Variants in VEGFC observed in about 807,000 individuals in gnomAD.
VEGFC encodes FLT4 ligand DHM.
Under a neutral mutation model 46.1 loss-of-function variants are expected in VEGFC, and 12 were observed. The ratio of observed to expected loss-of-function variants is 0.26; its 90% confidence interval spans 0.17 to 0.42. VEGFC has a LOEUF of 0.42. VEGFC is among the 10% of genes least tolerant of loss of function. The pLI is 1.00. For missense variants in VEGFC, 488 were observed against 529.4 expected (o/e 0.92, Z 0.77); for synonymous variants, 232 against 195.5 (o/e 1.19, Z -1.56).
At chr4:176,716,260 C>T (rs1734696062) in intron 3 of VEGFC, among the ~76,000 whole-genome samples, 1 of 151,978 alleles carries the variant, frequency 6.6e-6, no homozygotes, top group African/African-American at 2.4e-5. Flanking sequence ...CAGTAATGAC[C>T]TTGCCTCTAT....
At position 176,792,522 on chromosome 4, in the gene VEGFC, GGCGGCGGGTGTCAGGTAAAA is replaced by G. The variant is rs1303685443; in HGVS notation, c.-231_-212del. 8 of 401,612 alleles carry G rather than the reference GGCGGCGGGTGTCAGGTAAAA, an allele frequency of 2.0e-5. No homozygotes were observed. The highest frequency in any genetic ancestry group is 2.6e-5 in the Non-Finnish European group (6 of 229,156). The allele number at this position is 401,612 out of a possible 1,614,324, so 24.9% of individuals were successfully genotyped here. A position where few individuals can be genotyped will look rare whatever the true frequency, so the allele number is the denominator to read the frequency against. ...GCCCTCCCAGCCAGTGCCGGGGAAA[GGCGGCGGGTGTCAGGTAAAA>G]GCCTCACAGGAAACCGGACATCCGA... On this transcript the variant is annotated 5_prime_UTR_variant, in exon 1 of 7. It removes the in-frame stop codon of an upstream open reading frame in the 5' UTR. Transcript: ENST00000618562. The surrounding 1 kb of genome is among the most constrained non-coding windows in gnomAD (Gnocchi z 6.3).
chr4:176,792,115 G>T lies in VEGFC; in HGVS notation c.147+50C>A. 7.1e-7 allele frequency: 1 copy of T among 1,417,244 alleles called. No individual in the cohort carries two copies. Among genetic ancestry groups the T allele is most frequent in the South Asian group, 1.7e-5 (1 of 59,716 alleles). The allele number at this position is 1,417,244 out of a possible 1,614,324, so 87.8% of individuals were successfully genotyped here. A position where few individuals can be genotyped will look rare whatever the true frequency, so the allele number is the denominator to read the frequency against. ...CGCGCAGGTTCTCGGGTCCGCCGCAGACCCTAACGCAAACTCTCGGGTTCT... is the reference window on the plus strand; with the variant it reads ...CGCGCAGGTTCTCGGGTCCGCCGCATACCCTAACGCAAACTCTCGGGTTCT... On this transcript the variant is annotated intron_variant, in intron 1 of 6. Transcript: ENST00000618562. This position sits in a 1 kb window ranked among gnomAD's most constrained non-coding sequence, Gnocchi z 6.3.
chr4:176,745,749 G>A (rs1199251545), intron 1 of VEGFC, among the ~76,000 whole-genome samples: 2 of 152,082 alleles, frequency 1.3e-5, no homozygotes, highest in African/African-American at 4.8e-5. Flanking sequence ...CAGCAACAGT[G>A]AGAATATGGA....
At chr4:176,716,501 C>T (rs529641611) in intron 3 of VEGFC, among the ~76,000 whole-genome samples, 139 of 142,928 alleles carry the variant, frequency 9.7e-4, no homozygotes, top group African/African-American at 3.5e-3. Flanking sequence ...TTCTTGAACC[C>T]GGGAGGCAGA....
Position 176,727,722 on chromosome 4 carries a change from G to C in VEGFC, c.552+56C>G, listed in dbSNP as rs1316791309. The C allele has an allele frequency of 5.2e-6, 8 of 1,532,270 alleles. No homozygotes were observed. In the East Asian group the frequency reaches 1.9e-4, roughly 36 times the overall value. 94.9% of individuals were successfully genotyped at this position (1,532,270 alleles called of 1,614,324 possible). On this transcript the variant is annotated intron_variant, in intron 3 of 6. Transcript: ENST00000618562. The stretch of plus-strand genomic sequence containing the variant: ...GAAGTTTAAACACATCATCCCCAAA[G>C]TTAAAGCTTCTGATTAAGGGGGCTC...
intron 4 of VEGFC, among the ~76,000 whole-genome samples, chr4:176,695,831 A>C (rs989045571): frequency 7.9e-5 from 12 of 152,204 alleles, no homozygotes; most frequent in Admixed American, 3.9e-4. Flanking sequence ...CAATATATGC[A>C]AATCAATAAA....
Position 176,754,690 on chromosome 4 carries a change from C to T in VEGFC, c.148-24944G>A, listed in dbSNP as rs1326408443. Among the ~76,000 whole-genome samples the T allele has an allele frequency of 2.6e-5, 4 of 152,010 alleles. No individual in the cohort carries two copies. In the East Asian group the frequency reaches 7.7e-4, roughly 29 times the overall value. ...CCTTAATTTAACCACACCTGCAAAA[C>T]CCCTTCTGCCATGTAGGTAACAAGT... On this transcript the variant is annotated intron_variant, in intron 1 of 6. Transcript: ENST00000618562.
chr4:176,735,285 CCAGCACTTATAGCCTG>C (rs1735035123), intron 1 of VEGFC, among the ~76,000 whole-genome samples: 2 of 151,996 alleles, frequency 1.3e-5, no homozygotes, highest in Non-Finnish European at 2.9e-5. Flanking sequence ...TGTTCTTTAT[CCAGCACTTATAGCCTG>C]TAATTTAAGA....
At chr4:176,720,842 T>TAA (rs33929788) in intron 3 of VEGFC, among the ~76,000 whole-genome samples, 3 of 78,208 alleles carry the variant, frequency 3.8e-5, no homozygotes, top group Non-Finnish European at 5.0e-5. Flanking sequence ...AGACTCCATC[T>TAA]AAAAAAAAAA....
intron 4 of VEGFC, 76 bp downstream of exon 4, chr4:176,711,423 G>A: frequency 6.8e-7 from 1 of 1,470,900 alleles, no homozygotes; most frequent in Non-Finnish European, 9.1e-7. Flanking sequence ...GAGGTTATTT[G>A]TTTAACTTAT....
intron 4 of VEGFC, among the ~76,000 whole-genome samples, chr4:176,710,820 T>C (rs1181337347): frequency 6.6e-6 from 1 of 152,086 alleles, no homozygotes; most frequent in Non-Finnish European, 1.5e-5. Flanking sequence ...CAGGAGAACG[T>C]GATAAGTTCT....
intron 3 of VEGFC, among the ~76,000 whole-genome samples, chr4:176,716,337 G>C (rs1437724013): frequency 2.0e-5 from 3 of 152,016 alleles, no homozygotes; most frequent in Admixed American, 1.3e-4. Flanking sequence ...AGCACTTTGG[G>C]AGGCTGAGGT....
chr4:176,711,675 A>C (rs758469771), intron 3 of VEGFC, 25 bp from the exon 4 acceptor site: 5 of 1,609,818 alleles, frequency 3.1e-6, no homozygotes, highest in Non-Finnish European at 4.2e-6. Flanking sequence ...CAAAAAGAAG[A>C]AAAAATTATA....
chr4:176,734,062 A>T (rs1560949574), intron 1 of VEGFC, among the ~76,000 whole-genome samples: 1 of 151,824 alleles, frequency 6.6e-6, no homozygotes, highest in Non-Finnish European at 1.5e-5. Flanking sequence ...TATGTTGAAG[A>T]TCTTGACAAA....
At chr4:176,706,661 T>G (rs1261451677) in intron 4 of VEGFC, among the ~76,000 whole-genome samples, 2 of 126,192 alleles carry the variant, frequency 1.6e-5, no homozygotes, top group Admixed American at 1.6e-4. Context: ...AAAAGAGAAA[T>G]CTACTATTTG....
chr4:176,785,183 G>A (rs940668682), intron 1 of VEGFC, among the ~76,000 whole-genome samples: 11 of 152,278 alleles, frequency 7.2e-5, no homozygotes, highest in South Asian at 2.1e-4. Context: ...AAAAGTAAGA[G>A]AAAATGGTAA....
intron 1 of VEGFC, among the ~76,000 whole-genome samples, chr4:176,776,130 G>A (rs1018679760): frequency 1.3e-5 from 2 of 152,060 alleles, no homozygotes; most frequent in Admixed American, 6.5e-5. Flanking sequence ...CTCCATAATC[G>A]AGGCAACATA....
chr4:176,707,642 G>T (rs1214472516), intron 4 of VEGFC, among the ~76,000 whole-genome samples: 2 of 152,100 alleles, frequency 1.3e-5, no homozygotes, highest in African/African-American at 4.8e-5. Context: ...ATATCTCAAT[G>T]ATTTTTGGCT....
chr4:176,691,870 C>T (rs957388235), intron 4 of VEGFC, among the ~76,000 whole-genome samples: 1 of 152,222 alleles, frequency 6.6e-6, no homozygotes, highest in East Asian at 1.9e-4. Flanking sequence ...GTGATTTCTG[C>T]ATTTCCATCT....
Sources: gnomAD v4.1 joint callset for allele counts (sites outside exome capture counted in the v4.1 genomes callset) on GRCh38, gnomAD v4.1.1 for gene constraint, Gnocchi (gnomAD v3.1) non-coding constraint, MANE v1.5 for transcripts, NCBI Gene and HGNC (gene_info 2026-07-23, HGNC 2026-07-21) for gene names.